Variants in CRPPA observed in about 807,000 individuals in gnomAD.
CRPPA encodes the protein D-ribitol-5-phosphate cytidylyltransferase.
A neutral mutation model predicts 52.0 loss-of-function variants in CRPPA; 43 were observed. The observed-to-expected ratio is 0.83, with a 90% confidence interval of 0.65 to 1.07. The LOEUF is 1.07. CRPPA is among the 50% of genes least tolerant of loss of function. The probability of loss-of-function intolerance (pLI) is 0.00; values close to 1 mark genes in which losing one functional copy is unlikely to be tolerated. For synonymous variants in CRPPA, 250 were observed against 203.5 expected (o/e 1.23, Z -1.94); for missense variants, 629 against 551.7 (o/e 1.14, Z -1.40).
At chr7:16,371,222 C>A (rs1786740854) in intron 3 of CRPPA, among the ~76,000 whole-genome samples, 1 of 152,144 alleles carries the variant, frequency 6.6e-6, no homozygotes, top group Non-Finnish European at 1.5e-5. Context: ...TGGTACCTAC[C>A]AAAGGATACC....
chr7:16,309,485 G>T (rs1431040672), intron 3 of CRPPA, among the ~76,000 whole-genome samples: 1 of 152,184 alleles, frequency 6.6e-6, no homozygotes, highest in East Asian at 1.9e-4. Flanking sequence ...CATCAGGAAG[G>T]CCTATCAGAG....
chr7:16,389,272 C>A (rs1292963777), intron 2 of CRPPA, among the ~76,000 whole-genome samples: 1 of 151,988 alleles, frequency 6.6e-6, no homozygotes, highest in Non-Finnish European at 1.5e-5. Context: ...ATCCTAATAC[C>A]AAAAACAAAG....
chr7:16,403,459 C>A (rs970498671), intron 2 of CRPPA, among the ~76,000 whole-genome samples: 1 of 151,980 alleles, frequency 6.6e-6, no homozygotes, highest in African/African-American at 2.4e-5. Context: ...CATAACCCAC[C>A]CCTCCCCCTA....
chr7:16,126,462 A>T (rs546451227), intron 9 of CRPPA, among the ~76,000 whole-genome samples: 1 of 152,350 alleles, frequency 6.6e-6, no homozygotes, highest in East Asian at 1.9e-4. Flanking sequence ...ACAACAATCA[A>T]ATGTGTATAA....
chr7:16,143,086 C>T (rs902108749), intron 9 of CRPPA, among the ~76,000 whole-genome samples: 81 of 152,288 alleles, frequency 5.3e-4, no homozygotes, highest in African/African-American at 1.9e-3. Flanking sequence ...AAACAAGGTA[C>T]TGAGAACAGT....
At chr7:16,315,279 T>A (rs1174992032) in intron 3 of CRPPA, among the ~76,000 whole-genome samples, 1 of 152,150 alleles carries the variant, frequency 6.6e-6, no homozygotes, top group Non-Finnish European at 1.5e-5. Flanking sequence ...GCTATCTACT[T>A]TAACCATGAG....
rs774880437 is a variant in CRPPA, at chr7:16,216,124, G to A, written c.1193C>T (p.Ala398Val). 2 of 1,597,790 alleles carry A rather than the reference G, an allele frequency of 1.3e-6. No individual in the cohort carries two copies. The highest frequency in any genetic ancestry group is 1.7e-6 in the Non-Finnish European group (2 of 1,167,930). Residue 398 changes from alanine (A) to valine (V), a missense_variant, in exon 9 of 10, where the codon GCA (alanine) becomes GTA (valine). By Grantham distance (64) the Ala-to-Val change is moderately conservative. Coordinates refer to ENST00000407010, the MANE Select transcript of CRPPA (RefSeq NM_001101426.4). ...AATATTTCTTTCTTTTACTTCCTTT[G>A]CAAATTCTCTAATCTGCATTAGGTT... ...MENLMQIREFAKEVKERNILL... is the reference protein window; with the variant it reads ...MENLMQIREFVKEVKERNILL...
At chr7:16,360,471 T>A (rs563836565) in intron 3 of CRPPA, among the ~76,000 whole-genome samples, 2 of 152,094 alleles carry the variant, frequency 1.3e-5, no homozygotes, top group Admixed American at 1.3e-4. Flanking sequence ...AATGTTACTA[T>A]AAAATCACAC....
rs117824503 is a variant in CRPPA, at chr7:16,366,040, C to T, written c.684+10052G>A. On this transcript the variant is annotated intron_variant, in intron 3 of 9. Coordinates refer to ENST00000407010, the MANE Select transcript of CRPPA (RefSeq NM_001101426.4). The stretch of plus-strand genomic sequence containing the variant: ...TAAAAAGAATTTATTGCTCATAATT[C>T]GAGAGGCTGGGAAGTCCAAGATCAA... Among the ~76,000 whole-genome samples, 460 of 152,270 alleles carry T rather than the reference C, an allele frequency of 3.0e-3. 8 individuals are homozygous for T. Among genetic ancestry groups the T allele is most frequent in the East Asian group, 0.017 (86 of 5,184 alleles).
rs1782075158 is a variant in CRPPA at position 16,102,828 on chromosome 7, G to C, written c.1252-11029C>G. ...CAACAGATGCTGGAGAGGATGTGGAGAAATAGGAACACTTTTACACTGTTG... is the reference window on the plus strand; with the variant it reads ...CAACAGATGCTGGAGAGGATGTGGACAAATAGGAACACTTTTACACTGTTG... On this transcript the variant is annotated intron_variant, in intron 9 of 9. Transcript: ENST00000407010. 2.0e-5 allele frequency among the ~76,000 whole-genome samples: 3 copies of C among 152,332 alleles called. No individual in the cohort carries two copies. The South Asian group carries it at 6.2e-4, about 32-fold the overall frequency.
Position 16,387,078 on chromosome 7 carries a change from TATATATATACACAC to T in CRPPA, c.535-10851_535-10838del, listed in dbSNP as rs1270654164. 1.7e-4 allele frequency among the ~76,000 whole-genome samples: 8 copies of T among 46,524 alleles called. 1 individual carries two copies. The highest frequency in any genetic ancestry group is 6.9e-4 in the East Asian group (1 of 1,442). 30.5% of individuals were successfully genotyped at this position (46,524 alleles called of 152,430 possible). A position where few individuals can be genotyped will look rare whatever the true frequency, so the allele number is the denominator to read the frequency against. ...ATATATATATATATATATATATATA[TATATATATACACAC>T]ATATATATATGTATATACACACACA... On this transcript the variant is annotated intron_variant, in intron 2 of 9. Transcript: ENST00000407010.
At chr7:16,201,999 T>A (rs1781871929) in intron 9 of CRPPA, among the ~76,000 whole-genome samples, 1 of 152,176 alleles carries the variant, frequency 6.6e-6, no homozygotes, top group Non-Finnish European at 1.5e-5. Flanking sequence ...GATGTTAGAT[T>A]TAGATTTTTG....
intron 9 of CRPPA, among the ~76,000 whole-genome samples, chr7:16,201,065 ATAAAT>A (rs766641259): frequency 2.0e-5 from 3 of 152,222 alleles, no homozygotes; most frequent in African/African-American, 7.2e-5. Flanking sequence ...TGCAAGGAAA[ATAAAT>A]TAAAACAATA....
At chr7:16,267,457 C>A (rs1783984271) in intron 6 of CRPPA, among the ~76,000 whole-genome samples, 1 of 152,114 alleles carries the variant, frequency 6.6e-6, no homozygotes, top group Admixed American at 6.5e-5. Context: ...ACACTTTGAG[C>A]CAGCAAAAGG....
At chr7:16,304,102 G>A (rs1001620473) in intron 4 of CRPPA, among the ~76,000 whole-genome samples, 2 of 152,170 alleles carry the variant, frequency 1.3e-5, no homozygotes, top group African/African-American at 4.8e-5. Flanking sequence ...CACAAATATG[G>A]TACAACTCTA....
chr7:16,195,409 T>C (rs1327460703), intron 9 of CRPPA, among the ~76,000 whole-genome samples: 5 of 152,110 alleles, frequency 3.3e-5, no homozygotes, highest in African/African-American at 1.2e-4. Flanking sequence ...CTGTAGCTGA[T>C]TGAGGTAGCC....
chr7:16,260,511 C>A (rs922401543), intron 6 of CRPPA, among the ~76,000 whole-genome samples: 3 of 151,998 alleles, frequency 2.0e-5, no homozygotes, highest in African/African-American at 7.2e-5. Context: ...TTTGTTCTTG[C>A]TACTGCTGTG....
At chr7:16,336,192 A>T (rs1785674698) in intron 3 of CRPPA, among the ~76,000 whole-genome samples, 1 of 151,928 alleles carries the variant, frequency 6.6e-6, no homozygotes, top group African/African-American at 2.4e-5. Context: ...TGTAGATAGT[A>T]CGTAGTTGCA....
At chr7:16,235,503 T>A (rs933541754) in intron 8 of CRPPA, among the ~76,000 whole-genome samples, 1 of 152,088 alleles carries the variant, frequency 6.6e-6, no homozygotes, top group Non-Finnish European at 1.5e-5. Flanking sequence ...TGTAATACAG[T>A]ATTCCTGGAA....
Sources: allele counts gnomAD v4.1 joint callset (sites outside exome capture counted in the v4.1 genomes callset), GRCh38; gene constraint gnomAD v4.1.1; transcripts MANE v1.5; gene names NCBI Gene and HGNC (gene_info 2026-07-23, HGNC 2026-07-21).